CERT1: variants seen among roughly 807,000 people sequenced by gnomAD.
The protein encoded by CERT1 is ceramide transfer protein.
Under a neutral mutation model 87.9 loss-of-function variants are expected in CERT1, and 31 were observed. The observed-to-expected ratio is 0.35, with a 90% CI of 0.27 to 0.48. CERT1 has a LOEUF of 0.48. Ranked by LOEUF, CERT1 falls within the 20% of genes least tolerant of loss-of-function variation. The pLI, the probability that CERT1 is intolerant of heterozygous loss-of-function variation, is 0.99. For synonymous variants in CERT1, 289 were observed against 250.9 expected (o/e 1.15, Z -1.44); for missense variants, 487 against 758.0 (o/e 0.64, Z 4.20).
At chr5:75,374,881 T>C (rs1461748039), downstream of CERT1, 1 of 404,724 alleles carries the variant, frequency 2.5e-6, no homozygotes, top group Non-Finnish European at 4.8e-6. Flanking sequence ...GTACTTAATA[T>C]TGCATGCTGA....
intron 8 of CERT1, among the ~76,000 whole-genome samples, chr5:75,407,545 C>CAA (rs145791979): frequency 4.9e-5 from 7 of 141,964 alleles, no homozygotes; most frequent in Non-Finnish European, 9.2e-5. Context: ...AACAAACAAA[C>CAA]AAAAAAAACG....
At chr5:75,374,183 C>T (rs151083220), downstream of CERT1, 224 of 389,098 alleles carry the variant, frequency 5.8e-4, 2 homozygotes, top group African/African-American at 4.1e-3. Context: ...CACAGCCTTG[C>T]TTCAGTCACT....
Position 75,408,398 on chromosome 5 carries a change from G to A in CERT1, c.930+2613C>T, listed in dbSNP as rs537840579. Among the ~76,000 whole-genome samples, 14 of 152,288 alleles carry A rather than the reference G, an allele frequency of 9.2e-5. No homozygotes were observed. The South Asian group carries it at 2.9e-3, about 32-fold the overall frequency. On this transcript the variant is annotated intron_variant, in intron 8 of 16. Coordinates refer to ENST00000643780, the MANE Select transcript of CERT1 (RefSeq NM_001379029.1). ...AATTTGGAGTTGGTCTGGTGATGAT[G>A]TTCAGACCTTCTCCCTGTAACCAGT...
intron 2 of CERT1, among the ~76,000 whole-genome samples, chr5:75,477,660 A>C (rs1241847778): frequency 6.0e-5 from 9 of 150,160 alleles, no homozygotes; most frequent in Admixed American, 4.0e-4. Flanking sequence ...AAAAAAAAAA[A>C]AAAAAAAAAC....
chr5:75,403,132 C>A, intron 8 of CERT1, 74 bp from the exon 9 acceptor site: 1 of 993,332 alleles, frequency 1.0e-6, no homozygotes, highest in Admixed American at 2.0e-5. Context: ...CTGGTATTAA[C>A]TTGAGTTTGA....
At position 75,475,695 on chromosome 5, in the gene CERT1, CT is replaced by C. The variant is rs140992251; in HGVS notation, c.232-16515del. Among the ~76,000 whole-genome samples, 393 of 148,856 alleles carry C rather than the reference CT, an allele frequency of 2.6e-3. 1 individual carries two copies. The highest frequency in any genetic ancestry group is 6.2e-3 in the African/African-American group (251 of 40,650). ...TCCTGCTTGGGGGCTTAATATTAGC[CT>C]TTTTTTTTTCTTTTTCCAACAATTA... On this transcript the variant is annotated intron_variant, in intron 2 of 16. Transcript: ENST00000643780.
rs539106603 is a variant in CERT1, at chr5:75,378,941, G to C, written c.*405C>G. The C allele has an allele frequency of 6.4e-6, 1 of 155,148 alleles. No individual in the cohort carries two copies. Among genetic ancestry groups the C allele is most frequent in the African/African-American group, 2.4e-5 (1 of 41,638 alleles). 9.6% of individuals were successfully genotyped at this position (155,148 alleles called of 1,614,324 possible). A position where few individuals can be genotyped will look rare whatever the true frequency, so the allele number is the denominator to read the frequency against. On this transcript the variant is annotated 3_prime_UTR_variant, in exon 17 of 17. Transcript: ENST00000643780. Reference sequence around the variant, plus strand: ...TGTCTGTAATCCCAGCACTTTGGGAGGCTGAGGCAGGAGGATTGTCTGAGG... The same window carrying C: ...TGTCTGTAATCCCAGCACTTTGGGACGCTGAGGCAGGAGGATTGTCTGAGG...
chr5:75,402,931 T>C, intron 9 of CERT1, 41 bp downstream of exon 9: 4 of 1,261,064 alleles, frequency 3.2e-6, no homozygotes, highest in Non-Finnish European at 4.6e-6. Flanking sequence ...CCTATAGTGT[T>C]AAAATAAATT....
chr5:75,500,154 G>A (rs930400067), intron 2 of CERT1, among the ~76,000 whole-genome samples: 1 of 152,042 alleles, frequency 6.6e-6, no homozygotes, highest in African/African-American at 2.4e-5. Context: ...CAGATGTAAG[G>A]GGAAACTCAT....
chr5:75,370,239 A>C (rs1761033450), intron 17 of CERT1: 1 of 152,236 alleles, frequency 6.6e-6, no homozygotes, highest in South Asian at 2.1e-4. Context: ...ATCTTTGAAC[A>C]CTAGGAGAGA....
chr5:75,388,514 G>C (rs933824005), intron 12 of CERT1, among the ~76,000 whole-genome samples: 1 of 147,916 alleles, frequency 6.8e-6, no homozygotes, highest in Non-Finnish European at 1.5e-5. Flanking sequence ...AAATCACAGA[G>C]ATCTTTCTTT....
At chr5:75,425,521 G>A (rs752595080) in intron 4 of CERT1, 22 bp from the exon 5 acceptor site, 3 of 1,609,514 alleles carry the variant, frequency 1.9e-6, no homozygotes, top group Admixed American at 3.4e-5. Flanking sequence ...AAAATAGGGG[G>A]ATGTAATTCA....
chr5:75,505,998 C>T lies in CERT1; in HGVS notation c.215G>A (p.Ser72Asn), dbSNP rs1048598475. 1 of 1,613,630 alleles carries T rather than the reference C, an allele frequency of 6.2e-7. No individual in the cohort carries two copies. The highest frequency in any genetic ancestry group is 1.7e-5 in the Admixed American group (1 of 59,994). ...EYGCRGSICL[S>N]KAVITPHDFD... ...GGAACTTACTGTGATGACAGCCTTG[C>T]TAAGACAGATGGATCCTCTGCAGCC... Residue 72 changes from serine to asparagine, a missense_variant, in exon 2 of 17, where the codon AGC becomes AAC. By Grantham distance (46) the Ser-to-Asn change is conservative. Transcript: ENST00000643780.
intron 11 of CERT1, among the ~76,000 whole-genome samples, chr5:75,393,837 T>G (rs536855281): frequency 6.6e-6 from 1 of 151,666 alleles, no homozygotes; most frequent in Non-Finnish European, 1.5e-5. Flanking sequence ...TGGTGGTGCA[T>G]GCCTGTAGTC....
At chr5:75,473,288 T>C (rs994772412) in intron 2 of CERT1, among the ~76,000 whole-genome samples, 43 of 152,136 alleles carry the variant, frequency 2.8e-4, no homozygotes, top group Non-Finnish European at 1.0e-4. Flanking sequence ...TGCTATGCTA[T>C]GCTGCTCAAG....
chr5:75,377,342 T>C (rs4704212), downstream of CERT1: 26 of 152,354 alleles, frequency 1.7e-4, no homozygotes, highest in East Asian at 5.0e-3. Flanking sequence ...AGTATCTAAA[T>C]TATGCACAAA....
chr5:75,477,658 A>C (rs1766023324), intron 2 of CERT1, among the ~76,000 whole-genome samples: 2 of 150,120 alleles, frequency 1.3e-5, no homozygotes, highest in South Asian at 2.1e-4. Flanking sequence ...AAAAAAAAAA[A>C]AAAAAAAAAA....
chr5:75,447,459 T>C (rs975446272), intron 3 of CERT1, among the ~76,000 whole-genome samples: 6 of 150,970 alleles, frequency 4.0e-5, no homozygotes, highest in African/African-American at 1.5e-4. Context: ...TATTTATTTA[T>C]TTATTTATTT....
At chr5:75,407,643 C>T (rs991152067) in intron 8 of CERT1, among the ~76,000 whole-genome samples, 1 of 152,074 alleles carries the variant, frequency 6.6e-6, no homozygotes, top group South Asian at 2.1e-4. Context: ...ATATTCTTTG[C>T]AGCAACATGG....
Sources: gnomAD v4.1 joint callset for allele counts (sites outside exome capture counted in the v4.1 genomes callset) on GRCh38, gnomAD v4.1.1 for gene constraint, MANE v1.5 for transcripts, NCBI Gene and HGNC (gene_info 2026-07-23, HGNC 2026-07-21) for gene names.